Variants in SAV1 observed in about 807,000 individuals in gnomAD.
SAV1 encodes salvador family WW domain containing protein 1, also known as protein salvador homolog 1.
A neutral mutation model predicts 47.3 loss-of-function variants in SAV1; 23 were observed. The observed-to-expected ratio is 0.49, with a 90% CI of 0.35 to 0.69. The LOEUF (loss-of-function observed/expected upper bound fraction) is 0.69. SAV1 is among the 30% of genes least tolerant of loss of function. The pLI is 0.01. For synonymous variants in SAV1, 155 were observed against 159.2 expected, an observed-to-expected ratio of 0.97 and a Z score of 0.20; for missense variants, 448 against 457.4, an observed-to-expected ratio of 0.98 and a Z score of 0.19.
intron 4 of SAV1, among the ~76,000 whole-genome samples, chr14:50,636,930 T>G (rs561899609): frequency 2.0e-5 from 3 of 152,214 alleles, no homozygotes; most frequent in Non-Finnish European, 4.4e-5. Context: ...TTAATGATCG[T>G]TTATAGTATT....
chr14:50,650,063 T>G (rs1318774364), intron 2 of SAV1, among the ~76,000 whole-genome samples: 1 of 152,232 alleles, frequency 6.6e-6, no homozygotes, highest in African/African-American at 2.4e-5. Context: ...AAAGGTAATT[T>G]AGAAGAAACT....
chr14:50,643,167 G>A (rs2039694024), intron 3 of SAV1, among the ~76,000 whole-genome samples: 1 of 152,052 alleles, frequency 6.6e-6, no homozygotes, highest in Non-Finnish European at 1.5e-5. Context: ...CCAAGTTGCT[G>A]AGAGAAGTAA....
chr14:50,650,850 T>C (rs2039762268), intron 2 of SAV1, among the ~76,000 whole-genome samples: 1 of 152,098 alleles, frequency 6.6e-6, no homozygotes, highest in African/African-American at 2.4e-5. Context: ...GACAAAACCC[T>C]ATCTCTACTA....
At chr14:50,644,683 T>C in intron 3 of SAV1, 61 bp downstream of exon 3, 1 of 1,495,520 alleles carries the variant, frequency 6.7e-7, no homozygotes, top group Non-Finnish European at 9.1e-7. Context: ...AAAATATCAG[T>C]TCAAAACCTA....
chr14:50,649,845 T>C (rs1052018221), intron 2 of SAV1, among the ~76,000 whole-genome samples: 3 of 152,200 alleles, frequency 2.0e-5, no homozygotes, highest in Non-Finnish European at 4.4e-5. Flanking sequence ...CTGCCAAATT[T>C]AGAATATCTC....
intron 1 of SAV1, among the ~76,000 whole-genome samples, chr14:50,666,914 C>T (rs915059544): frequency 2.0e-5 from 3 of 151,990 alleles, no homozygotes; most frequent in African/African-American, 7.3e-5. Context: ...GATGGAAAAA[C>T]ATGCTCTCCC....
At chr14:50,639,342 A>C (rs1248080583) in intron 4 of SAV1, among the ~76,000 whole-genome samples, 1 of 138,984 alleles carries the variant, frequency 7.2e-6, no homozygotes, top group Non-Finnish European at 1.5e-5. Context: ...TTTTGCAAAA[A>C]TGTCTCTTTT....
At chr14:50,642,110 AGAAAACTAATACCACATGTT>A (rs2039684956) in intron 3 of SAV1, among the ~76,000 whole-genome samples, 1 of 152,194 alleles carries the variant, frequency 6.6e-6, no homozygotes, top group Non-Finnish European at 1.5e-5. Context: ...ATGCAGGAAG[AGAAAACTAATACCACATGTT>A]GATAGGTAGG....
intron 4 of SAV1, among the ~76,000 whole-genome samples, chr14:50,635,989 G>C (rs1226370211): frequency 6.6e-6 from 1 of 152,138 alleles, no homozygotes; most frequent in Non-Finnish European, 1.5e-5. Flanking sequence ...TTAACTTTGG[G>C]AGCCACCGCG....
At chr14:50,664,671 A>G (rs984622788) in intron 2 of SAV1, 1 of 152,342 alleles carries the variant, frequency 6.6e-6, no homozygotes, top group Non-Finnish European at 1.5e-5. Context: ...TGATCAACTC[A>G]GGAAATAATT....
chr14:50,635,508 A>C (rs977682384), intron 4 of SAV1, 124 bp from the exon 5 acceptor site: 1 of 818,326 alleles, frequency 1.2e-6, no homozygotes, highest in African/African-American at 1.7e-5. Flanking sequence ...ATAAGTTTTA[A>C]TTAAAAATAA....
intron 2 of SAV1, 94 bp downstream of exon 2, chr14:50,665,085 T>A: frequency 9.6e-6 from 14 of 1,461,096 alleles, no homozygotes; most frequent in Non-Finnish European, 1.3e-5. Flanking sequence ...CTAGTAGTAT[T>A]TGTTCGTGTC....
chr14:50,646,276 C>T (rs2039720912), intron 2 of SAV1, among the ~76,000 whole-genome samples: 1 of 152,238 alleles, frequency 6.6e-6, no homozygotes, highest in African/African-American at 2.4e-5. Context: ...TGTAATCTCT[C>T]TCCCTCTCTC....
chr14:50,661,126 AT>A (rs1193438238), intron 2 of SAV1, among the ~76,000 whole-genome samples: 1 of 151,870 alleles, frequency 6.6e-6, no homozygotes, highest in South Asian at 2.1e-4. Context: ...CCAGTAGTAT[AT>A]TTTTTTGTCT....
Position 50,665,547 on chromosome 14 carries a change from C to T in SAV1, c.167G>A (p.Ser56Asn). 6.2e-7 allele frequency: 1 copy of T among 1,613,992 alleles called. No individual in the cohort carries two copies. Among genetic ancestry groups the T allele is most frequent in the East Asian group, 2.2e-5 (1 of 44,876 alleles). Residue 56 changes from serine to asparagine, a missense_variant, in exon 2 of 5, where the codon AGC becomes AAC. Ser to Asn is a conservative substitution (Grantham distance 46, BLOSUM62 1). Coordinates refer to ENST00000324679, the MANE Select transcript of SAV1 (RefSeq NM_021818.4). ...RRTDICLPDS[S>N]PNAFSTSGDV... ...TCCAGAAGTTGAAAAGGCATTAGGG[C>T]TTGAATCTGGAAGACAGATATCAGT... is the stretch of plus-strand genomic sequence containing the variant.
intron 1 of SAV1, among the ~76,000 whole-genome samples, chr14:50,667,164 C>T (rs1291893778): frequency 6.7e-6 from 1 of 150,048 alleles, no homozygotes; most frequent in Non-Finnish European, 1.5e-5. Context: ...AGAAAAGCAG[C>T]GGGGGACCGG....
intron 3 of SAV1, 22 bp downstream of exon 3, chr14:50,644,722 G>A (rs766678263): frequency 1.3e-6 from 2 of 1,586,968 alleles, no homozygotes; most frequent in Non-Finnish European, 1.7e-6. Context: ...ACAAAAAGTT[G>A]AAAATAAAGT....
chr14:50,644,104 C>T (rs1048225864), intron 3 of SAV1, among the ~76,000 whole-genome samples: 2 of 152,196 alleles, frequency 1.3e-5, no homozygotes, highest in African/African-American at 4.8e-5. Context: ...ACTTACAGCA[C>T]ATCTCAATTT....
chr14:50,661,806 A>G (rs1263676076), intron 2 of SAV1, among the ~76,000 whole-genome samples: 1 of 152,194 alleles, frequency 6.6e-6, no homozygotes. Flanking sequence ...GTCTTTCTAT[A>G]CCAATACCAT....
Sources: gnomAD v4.1 joint callset for allele counts (sites outside exome capture counted in the v4.1 genomes callset) on GRCh38, gnomAD v4.1.1 for gene constraint, MANE v1.5 for transcripts, NCBI Gene and HGNC (gene_info 2026-07-23, HGNC 2026-07-21) for gene names.